TSPAN5: variants seen among roughly 807,000 people sequenced by gnomAD.
The protein encoded by TSPAN5 is tetraspanin-5.
A neutral mutation model predicts 37.1 loss-of-function variants in TSPAN5; 10 were observed. The ratio of observed to expected loss-of-function variants is 0.27; its 90% confidence interval spans 0.17 to 0.46. The LOEUF (loss-of-function observed/expected upper bound fraction) is 0.46. TSPAN5 is among the 20% of genes least tolerant of loss of function. TSPAN5 has a pLI of 1.00. For synonymous variants in TSPAN5, 110 were observed against 118.9 expected, an observed-to-expected ratio of 0.93 and a Z score of 0.48; for missense variants, 195 against 326.6, an observed-to-expected ratio of 0.60 and a Z score of 3.11.
chr4:98,607,676 G>GAA (rs140537117), intron 1 of TSPAN5, among the ~76,000 whole-genome samples: 58 of 150,344 alleles, frequency 3.9e-4, no homozygotes, highest in South Asian at 8.4e-4. Flanking sequence ...ACACAGTTGG[G>GAA]AAAAAAAAGA....
chr4:98,617,880 G>T (rs1433617007), intron 1 of TSPAN5, among the ~76,000 whole-genome samples: 2 of 152,188 alleles, frequency 1.3e-5, no homozygotes, highest in African/African-American at 2.4e-5. Context: ...TTCAAGGTCT[G>T]GCCCATCATT....
intron 1 of TSPAN5, among the ~76,000 whole-genome samples, chr4:98,634,312 G>A (rs1353481528): frequency 6.6e-6 from 1 of 152,088 alleles, no homozygotes; most frequent in Non-Finnish European, 1.5e-5. Flanking sequence ...ATGGGTACAA[G>A]GGGCCTTTTG....
At position 98,621,873 on chromosome 4, in the gene TSPAN5, A is replaced by T. The variant is rs183068694; in HGVS notation, c.81+36273T>A. On this transcript the variant is annotated intron_variant, in intron 1 of 7. Transcript: ENST00000305798. Reference sequence around the variant, plus strand: ...TTCTGTACGTTTCATATAAATAGAAACATACAATATGTGGCCTTTTGTGTA... The same window carrying T: ...TTCTGTACGTTTCATATAAATAGAATCATACAATATGTGGCCTTTTGTGTA... 1.8e-3 allele frequency among the ~76,000 whole-genome samples: 272 copies of T among 151,674 alleles called. 1 individual carries two copies. In the Middle Eastern group the frequency reaches 0.034, roughly 19 times the overall value.
At position 98,471,503 on chromosome 4, in the gene TSPAN5, T is replaced by C. The variant is rs1752583535; in HGVS notation, c.*1019A>G. The C allele has an allele frequency of 6.6e-6, 1 of 152,186 alleles. No homozygotes were observed. Among genetic ancestry groups the C allele is most frequent in the South Asian group, 2.1e-4 (1 of 4,824 alleles). 9.4% of individuals were successfully genotyped at this position (152,186 alleles called of 1,614,324 possible). ...ACCAAATAACATATTTCAATGTTTG[T>C]AGAAAAGCTGGCAGGAAAGGGAGAT... is the stretch of plus-strand genomic sequence containing the variant. On this transcript the variant is annotated 3_prime_UTR_variant, in exon 8 of 8. Coordinates refer to ENST00000305798, the MANE Select transcript of TSPAN5 (RefSeq NM_005723.4).
At chr4:98,529,857 A>C (rs903270717) in intron 1 of TSPAN5, among the ~76,000 whole-genome samples, 3 of 152,260 alleles carry the variant, frequency 2.0e-5, no homozygotes, top group African/African-American at 7.2e-5. Context: ...ATAATTCAGA[A>C]TCTTTTGGCT....
intron 1 of TSPAN5, among the ~76,000 whole-genome samples, chr4:98,537,642 T>C (rs990623457): frequency 6.6e-6 from 1 of 152,198 alleles, no homozygotes; most frequent in Non-Finnish European, 1.5e-5. Flanking sequence ...GCAAATCCCA[T>C]GCTCTCAACA....
intron 1 of TSPAN5, among the ~76,000 whole-genome samples, chr4:98,532,076 G>C (rs888541048): frequency 6.6e-6 from 1 of 152,148 alleles, no homozygotes; most frequent in Admixed American, 6.5e-5. Flanking sequence ...GATCCCATTT[G>C]TCTATTTTGG....
chr4:98,603,986 C>A (rs1755944423), intron 1 of TSPAN5, among the ~76,000 whole-genome samples: 1 of 152,096 alleles, frequency 6.6e-6, no homozygotes, highest in East Asian at 1.9e-4. Context: ...TTACTTTGGT[C>A]ATTTTGAACG....
intron 3 of TSPAN5, chr4:98,483,677 T>C (rs941441269): frequency 6.6e-6 from 1 of 152,304 alleles, no homozygotes; most frequent in Non-Finnish European, 1.5e-5. Context: ...GGCAAAGTTT[T>C]TGGACTCCCA....
At chr4:98,650,586 G>T (rs1368040259) in intron 1 of TSPAN5, among the ~76,000 whole-genome samples, 2 of 152,180 alleles carry the variant, frequency 1.3e-5, no homozygotes, top group Non-Finnish European at 2.9e-5. Context: ...AGGAATTTAA[G>T]GTATGACTGT....
At position 98,617,721 on chromosome 4, in the gene TSPAN5, T is replaced by C. The variant is rs576398431; in HGVS notation, c.81+40425A>G. On this transcript the variant is annotated intron_variant, in intron 1 of 7. Coordinates refer to ENST00000305798, the MANE Select transcript of TSPAN5 (RefSeq NM_005723.4). ...GGCCCAGTTTCCCACCTCACTGTTG[T>C]TATTGTACCACACACAATCACCTCA... 1.7e-3 allele frequency among the ~76,000 whole-genome samples: 264 copies of C among 152,294 alleles called. 1 individual carries two copies. The Middle Eastern group carries it at 0.034, about 20-fold the overall frequency.
intron 1 of TSPAN5, among the ~76,000 whole-genome samples, chr4:98,582,082 G>A (rs945491083): frequency 9.2e-5 from 14 of 152,156 alleles, no homozygotes; most frequent in Admixed American, 7.2e-4. Context: ...TGGAGGCCCC[G>A]AGTTTTGGCA....
At chr4:98,651,868 T>A (rs1368048580) in intron 1 of TSPAN5, among the ~76,000 whole-genome samples, 1 of 61,566 alleles carries the variant, frequency 1.6e-5, no homozygotes, top group African/African-American at 7.2e-5. Context: ...AACATACTTT[T>A]TTTTTTTTTT....
intron 1 of TSPAN5, among the ~76,000 whole-genome samples, chr4:98,582,421 A>G (rs144270434): frequency 1.3e-5 from 2 of 152,348 alleles, no homozygotes; most frequent in East Asian, 3.9e-4. Flanking sequence ...ACAAAACTGC[A>G]AGGAAAAGAA....
intron 3 of TSPAN5, 48 bp from the exon 4 acceptor site, chr4:98,482,223 G>A (rs1752855664): frequency 6.4e-7 from 1 of 1,552,692 alleles, no homozygotes; most frequent in Admixed American, 1.8e-5. Flanking sequence ...GGGCTATTTT[G>A]ATCATATATA....
chr4:98,629,990 T>A (rs999322181), intron 1 of TSPAN5, among the ~76,000 whole-genome samples: 1 of 152,214 alleles, frequency 6.6e-6, no homozygotes, highest in Non-Finnish European at 1.5e-5. Flanking sequence ...TAATAATCTA[T>A]GAAAATACTC....
At position 98,486,774 on chromosome 4, in the gene TSPAN5, A is replaced by G. The variant is rs746231996; in HGVS notation, c.243T>C (p.Ile81=). 3.6e-5 allele frequency: 58 copies of G among 1,613,980 alleles called. No homozygotes were observed. The Admixed American group carries it at 9.3e-4, about 26-fold the overall frequency. ...GGAAAGTGTTTTCCCGTAGCGCTCCAATGCACCCTGCAAATCCCAAAATGA... is the reference window on the plus strand; with the variant it reads ...GGAAAGTGTTTTCCCGTAGCGCTCCGATGCACCCTGCAAATCCCAAAATGA... The part of the protein sequence containing the change: ...VMFILGFAGC[I]GALRENTFLL... The change falls in exon 3 of 8, where the codon ATT becomes ATC. Residue 81 remains isoleucine, a synonymous_variant. Transcript: ENST00000305798.
At chr4:98,544,172 C>A (rs1349715581) in intron 1 of TSPAN5, among the ~76,000 whole-genome samples, 1 of 151,972 alleles carries the variant, frequency 6.6e-6, no homozygotes, top group African/African-American at 2.4e-5. Flanking sequence ...AGAGCAAGAC[C>A]CTGTCTCTGA....
chr4:98,570,476 A>G (rs1755094604), intron 1 of TSPAN5, among the ~76,000 whole-genome samples: 1 of 152,206 alleles, frequency 6.6e-6, no homozygotes, highest in African/African-American at 2.4e-5. Context: ...ATTACTTTCC[A>G]TTGACTGAAA....
Sources: allele counts gnomAD v4.1 joint callset (sites outside exome capture counted in the v4.1 genomes callset), GRCh38; gene constraint gnomAD v4.1.1; transcripts MANE v1.5; gene names NCBI Gene and HGNC (gene_info 2026-07-23, HGNC 2026-07-21).